The following CDH23 variants were observed in gnomAD, a reference collection of about 807,000 sequenced individuals.
CDH23 encodes cadherin-23.
Under a neutral mutation model 317.1 loss-of-function variants are expected in CDH23, and 189 were observed. That is an observed-to-expected ratio of 0.60 (90% confidence interval 0.53 to 0.67). The LOEUF (loss-of-function observed/expected upper bound fraction) is 0.67, where lower values mean the gene tolerates loss of function less well. Ranked by LOEUF, CDH23 falls within the 30% of genes least tolerant of loss-of-function variation. The pLI is 0.00. For missense variants in CDH23, 4,401 were observed against 4,592.4 expected (o/e 0.96, Z 1.20); for synonymous variants, 1,839 against 1,876.8 (o/e 0.98, Z 0.52).
intron 1 of CDH23, among the ~76,000 whole-genome samples, chr10:71,429,741 G>A (rs1439888470): frequency 6.6e-6 from 1 of 152,206 alleles, no homozygotes; most frequent in Non-Finnish European, 1.5e-5. Flanking sequence ...GGCAAGGACT[G>A]GAAACTATTT....
At chr10:71,723,262 G>A (rs1866639110) in intron 28 of CDH23, among the ~76,000 whole-genome samples, 1 of 152,176 alleles carries the variant, frequency 6.6e-6, no homozygotes, top group South Asian at 2.1e-4. Flanking sequence ...CTTGTTTTGG[G>A]TGGGCAGTGG....
intron 11 of CDH23, among the ~76,000 whole-genome samples, chr10:71,625,395 TTAAAAAAAA>T (rs1861670306): frequency 4.8e-5 from 1 of 21,048 alleles, no homozygotes; most frequent in Non-Finnish European, 1.2e-4. Context: ...ACCAAATAAA[TTAAAAAAAA>T]AAAAAAAAAA....
intron 1 of CDH23, among the ~76,000 whole-genome samples, chr10:71,438,818 G>C (rs891581246): frequency 6.6e-6 from 1 of 152,236 alleles, no homozygotes; most frequent in African/African-American, 2.4e-5. Context: ...TTGTGAGCCA[G>C]GGAGATGAAC....
Position 71,791,300 on chromosome 10 carries a change from C to T in CDH23, c.6218C>T (p.Thr2073Ile). ...AACCGGCCCACCTTTAGCCCTGCCA[C>T]CCTCACTGTCCATCTGCTAGAGAAC... is the stretch of plus-strand genomic sequence containing the variant. ...NDNRPTFSPA[T>I]LTVHLLENCP... Residue 2073 changes from threonine to isoleucine, a missense_variant, in exon 47 of 70, where the codon ACC becomes ATC. By Grantham distance (89) the Thr-to-Ile change is moderately conservative (BLOSUM62 -1). This residue lies in a region of CDH23 where 3,068 missense variants were observed against 3,203.3 expected (regional missense o/e 0.96). Transcript: ENST00000224721. 1 of 1,613,866 alleles carries T rather than the reference C, an allele frequency of 6.2e-7. No individual in the cohort carries two copies. The highest frequency in any genetic ancestry group is 1.1e-5 in the South Asian group (1 of 90,996).
At chr10:71,481,185 G>A (rs2394801) in intron 3 of CDH23, among the ~76,000 whole-genome samples, 23,023 of 152,078 alleles carry the variant, frequency 0.15, 1,832 homozygotes, top group East Asian at 0.22. Context: ...CTGCTCATGG[G>A]TGCACTGGCT....
chr10:71,490,332 C>T (rs543781345), intron 3 of CDH23, among the ~76,000 whole-genome samples: 1 of 152,306 alleles, frequency 6.6e-6, no homozygotes, highest in East Asian at 1.9e-4. Context: ...ATCATGACCA[C>T]TTAAACTATG....
chr10:71,494,479 T>C (rs1467769123), intron 3 of CDH23, among the ~76,000 whole-genome samples: 2 of 152,198 alleles, frequency 1.3e-5, no homozygotes, highest in African/African-American at 2.4e-5. Flanking sequence ...AGCTGTGTGA[T>C]CTTCGGCAAG....
chr10:71,638,004 G>A (rs1862358871), intron 11 of CDH23, among the ~76,000 whole-genome samples: 1 of 152,152 alleles, frequency 6.6e-6, no homozygotes, highest in African/African-American at 2.4e-5. Context: ...CCTAGCATTT[G>A]AGGTACAAAG....
intron 34 of CDH23, among the ~76,000 whole-genome samples, chr10:71,737,476 A>G (rs1465108542): frequency 2.0e-5 from 3 of 152,176 alleles, no homozygotes; most frequent in African/African-American, 7.2e-5. Flanking sequence ...TGTGGCTGGG[A>G]CTGAGCAGTC....
At chr10:71,509,981 A>G (rs1853865724) in intron 3 of CDH23, 101 bp from the exon 4 acceptor site, 2 of 1,366,324 alleles carry the variant, frequency 1.5e-6, no homozygotes, top group South Asian at 2.4e-5. Context: ...GGATTGCTGA[A>G]TGGCCACTCC....
At chr10:71,730,321 A>G in intron 30 of CDH23, 148 bp from the exon 31 acceptor site, 13 of 917,294 alleles carry the variant, frequency 1.4e-5, no homozygotes, top group Non-Finnish European at 2.1e-5. Flanking sequence ...GGTCACAGTG[A>G]CCCACCAGAC....
In CDH23 at chr10:71,427,766, G is replaced by A. The variant is rs146154396; in HGVS notation, c.-5-12061G>A. ...CTCACTCTGTTGCCCAGGCTGGAGT[G>A]CGGTGGTGCAATCCTGGCTCACTGC... On this transcript the variant is annotated intron_variant, in intron 1 of 69. Coordinates refer to ENST00000224721, the MANE Select transcript of CDH23 (RefSeq NM_022124.6). 0.011 allele frequency among the ~76,000 whole-genome samples: 1,638 copies of A among 150,668 alleles called. 72 individuals are homozygous for A. In the East Asian group the frequency reaches 0.11, roughly 10 times the overall value.
At chr10:71,408,443 G>A (rs1848209386) in intron 1 of CDH23, among the ~76,000 whole-genome samples, 1 of 152,158 alleles carries the variant, frequency 6.6e-6, no homozygotes, top group Non-Finnish European at 1.5e-5. Context: ...CCTGACCAAG[G>A]CCAAGGTTTT....
intron 47 of CDH23, 87 bp downstream of exon 47, chr10:71,791,422 T>C: frequency 8.4e-7 from 1 of 1,183,768 alleles, no homozygotes; most frequent in Non-Finnish European, 1.2e-6. Flanking sequence ...GACACGGAGT[T>C]TGCCTCCAGT....
intron 14 of CDH23, among the ~76,000 whole-genome samples, chr10:71,666,291 C>T (rs1309416175): frequency 6.6e-6 from 1 of 151,940 alleles, no homozygotes; most frequent in Non-Finnish European, 1.5e-5. Flanking sequence ...TGATCACAGC[C>T]CCCCAATATC....
At chr10:71,561,332 GCTCT>G (rs922226036) in intron 6 of CDH23, among the ~76,000 whole-genome samples, 1 of 150,220 alleles carries the variant, frequency 6.7e-6, no homozygotes, top group African/African-American at 2.5e-5. Context: ...TTTCTTTACT[GCTCT>G]CTCTGTCTGG....
chr10:71,598,843 C>T (rs2132468946), intron 9 of CDH23, among the ~76,000 whole-genome samples: 1 of 152,368 alleles, frequency 6.6e-6, no homozygotes, highest in Non-Finnish European at 1.5e-5. Flanking sequence ...GGACATCCCT[C>T]CCTATCTGGC....
intron 9 of CDH23, among the ~76,000 whole-genome samples, chr10:71,582,018 C>T (rs1159746244): frequency 2.0e-5 from 3 of 152,210 alleles, no homozygotes; most frequent in Non-Finnish European, 4.4e-5. Context: ...GGTCCTCGCC[C>T]GTGGAACCAG....
chr10:71,793,039 C>A, intron 47 of CDH23, 143 bp from the exon 48 acceptor site: 2 of 544,942 alleles, frequency 3.7e-6, no homozygotes, highest in Non-Finnish European at 6.5e-6. Flanking sequence ...TATAAAATTG[C>A]AAGTATGAAA....
Sources: allele counts gnomAD v4.1 joint callset (sites outside exome capture counted in the v4.1 genomes callset), GRCh38; gene constraint gnomAD v4.1.1; regional missense constraint gnomAD v4.1.1; transcripts MANE v1.5; gene names NCBI Gene and HGNC (gene_info 2026-07-23, HGNC 2026-07-21).